Variants in AFG3L2 observed in about 807,000 individuals in gnomAD.
The protein encoded by AFG3L2 is mitochondrial inner membrane m-AAA protease component AFG3L2.
A neutral mutation model predicts 94.5 loss-of-function variants in AFG3L2; 54 were observed. That is an observed-to-expected ratio of 0.57 (90% confidence interval 0.46 to 0.72). The LOEUF (loss-of-function observed/expected upper bound fraction) is 0.72. Among genes scored for constraint, AFG3L2 ranks in the 30% least tolerant of loss-of-function variants. The probability of loss-of-function intolerance (pLI) is 0.00; values close to 1 mark genes in which losing one functional copy is unlikely to be tolerated. For synonymous variants in AFG3L2, 377 were observed against 365.5 expected, an observed-to-expected ratio of 1.03 and a Z score of -0.36; for missense variants, 754 against 994.9, an observed-to-expected ratio of 0.76 and a Z score of 3.26.
intron 9 of AFG3L2, among the ~76,000 whole-genome samples, chr18:12,353,745 G>A (rs1338631347): frequency 6.6e-6 from 1 of 152,062 alleles, no homozygotes; most frequent in African/African-American, 2.4e-5. Context: ...TGCTATTTTT[G>A]TAACATCAAC....
At chr18:12,331,087 T>TA (rs1481774586) in intron 16 of AFG3L2, among the ~76,000 whole-genome samples, 1 of 152,232 alleles carries the variant, frequency 6.6e-6, no homozygotes, top group African/African-American at 2.4e-5. Flanking sequence ...GGTGGTCCCG[T>TA]AAGATTATAA....
At chr18:12,333,364 A>T (rs76754735) in intron 16 of AFG3L2, among the ~76,000 whole-genome samples, 14,749 of 130,108 alleles carry the variant, frequency 0.11, 961 homozygotes, top group East Asian at 0.22. Flanking sequence ...ATATATATAT[A>T]TTTTTTCCCC....
At position 12,340,050 on chromosome 18, in the gene AFG3L2, A is replaced by C. The variant is rs1907897195; in HGVS notation, c.1980+151T>G. On this transcript the variant is annotated intron_variant, in intron 15 of 16. Transcript: ENST00000269143. ...AATAAAGTTTCTCTTCATAAGTTTTAATTGCTTTACTTCTTTTAAGAGATA... is the reference window on the plus strand; with the variant it reads ...AATAAAGTTTCTCTTCATAAGTTTTCATTGCTTTACTTCTTTTAAGAGATA... The C allele has an allele frequency of 5.2e-6, 4 of 767,740 alleles. No individual in the cohort carries two copies. The South Asian group carries it at 6.0e-5, about 11-fold the overall frequency. The allele number at this position is 767,740 out of a possible 1,614,324, so 47.6% of individuals were successfully genotyped here. A position where few individuals can be genotyped will look rare whatever the true frequency, so the allele number is the denominator to read the frequency against.
Position 12,354,472 on chromosome 18 carries a change from G to A in AFG3L2, c.1165-1314C>T, listed in dbSNP as rs532213530. Among the ~76,000 whole-genome samples the A allele has an allele frequency of 5.9e-5, 9 of 152,270 alleles. No individual in the cohort carries two copies. In the South Asian group the frequency reaches 1.9e-3, roughly 32 times the overall value. On this transcript the variant is annotated intron_variant, in intron 9 of 16. Coordinates refer to ENST00000269143, the MANE Select transcript of AFG3L2 (RefSeq NM_006796.3). Reference sequence around the variant, plus strand: ...TGCTTGCTGAGGCTCAGGCCTTGTGGCAGGCACTCCACCCCACTGTGCCAT... The same window carrying A: ...TGCTTGCTGAGGCTCAGGCCTTGTGACAGGCACTCCACCCCACTGTGCCAT...
chr18:12,354,954 C>T (rs1311490716), intron 9 of AFG3L2, among the ~76,000 whole-genome samples: 1 of 152,168 alleles, frequency 6.6e-6, no homozygotes, highest in Non-Finnish European at 1.5e-5. Flanking sequence ...GTGGCTCACG[C>T]CTGTAATCCC....
At chr18:12,375,877 T>C (rs1909139912) in intron 1 of AFG3L2, among the ~76,000 whole-genome samples, 1 of 150,428 alleles carries the variant, frequency 6.6e-6, no homozygotes. Flanking sequence ...TAGTCCCAGA[T>C]ACTCCGGAGG....
Position 12,376,845 on chromosome 18 carries a change from C to A in AFG3L2, c.114+124G>T. On this transcript the variant is annotated intron_variant, in intron 1 of 16. Transcript: ENST00000269143. Reference sequence around the variant, plus strand: ...GAGAGACAGCGCAGGGCGCCCAGGCCCTCGGCAGGGACGGCCCGCGTGCGG... The same window carrying A: ...GAGAGACAGCGCAGGGCGCCCAGGCACTCGGCAGGGACGGCCCGCGTGCGG... 3 of 698,258 alleles carry A rather than the reference C, an allele frequency of 4.3e-6. 1 individual carries two copies. The South Asian group carries it at 1.1e-4, about 25-fold the overall frequency. 43.3% of individuals were successfully genotyped at this position (698,258 alleles called of 1,614,324 possible). A position where few individuals can be genotyped will look rare whatever the true frequency, so the allele number is the denominator to read the frequency against.
rs11303145 is a variant in AFG3L2, at chr18:12,355,208, TAA to T, written c.1164+1484_1164+1485del. Among the ~76,000 whole-genome samples, 228 of 139,062 alleles carry T rather than the reference TAA, an allele frequency of 1.6e-3. 1 individual carries two copies. Among genetic ancestry groups the T allele is most frequent in the Non-Finnish European group, 1.7e-3 (111 of 64,398 alleles). 91.2% of individuals were successfully genotyped at this position (139,062 alleles called of 152,430 possible). A position where few individuals can be genotyped will look rare whatever the true frequency, so the allele number is the denominator to read the frequency against. The stretch of plus-strand genomic sequence containing the variant: ...AGCAAGACTCCATCTCAAAAAAAAT[TAA>T]AAAAAAAAAAAAAGAACTCTTACAA... On this transcript the variant is annotated intron_variant, in intron 9 of 16. Transcript: ENST00000269143.
intron 13 of AFG3L2, among the ~76,000 whole-genome samples, chr18:12,344,605 C>G (rs1382712215): frequency 6.6e-6 from 1 of 151,194 alleles, no homozygotes; most frequent in South Asian, 2.1e-4. Context: ...ACCCAGGAGG[C>G]GGAGGTTGCA....
intron 14 of AFG3L2, chr18:12,341,782 TG>T (rs905998907): frequency 2.1e-4 from 32 of 152,240 alleles, no homozygotes; most frequent in African/African-American, 7.7e-4. Flanking sequence ...TTTGGTCACA[TG>T]GAAGTGTTCG....
chr18:12,330,294 C>A (rs1854508282), intron 16 of AFG3L2, among the ~76,000 whole-genome samples: 1 of 150,932 alleles, frequency 6.6e-6, no homozygotes, highest in African/African-American at 2.4e-5. Context: ...CCACTGCACT[C>A]CAGCCTGGGC....
intron 1 of AFG3L2, among the ~76,000 whole-genome samples, chr18:12,372,510 T>C (rs892106350): frequency 1.3e-5 from 2 of 152,164 alleles, no homozygotes; most frequent in Non-Finnish European, 2.9e-5. Flanking sequence ...CATGACTCTA[T>C]GGGTCACCAT....
Position 12,367,230 on chromosome 18 carries a change from G to A in AFG3L2, c.399+46C>T, listed in dbSNP as rs564492519. On this transcript the variant is annotated intron_variant, in intron 4 of 16. Transcript: ENST00000269143. ...CACTAATGCCTCCCAACCTTCTCTG[G>A]GCCACCATCATAACCTCAAAATTCA... 4 of 1,612,868 alleles carry A rather than the reference G, an allele frequency of 2.5e-6. No individual in the cohort carries two copies. In the South Asian group the frequency reaches 4.4e-5, roughly 18 times the overall value.
At position 12,344,263 on chromosome 18, in the gene AFG3L2, CA is replaced by C. The variant is rs750805669; in HGVS notation, c.1664-17del. The C allele has an allele frequency of 4.1e-5, 65 of 1,596,192 alleles. No homozygotes were observed. The highest frequency in any genetic ancestry group is 5.6e-5 in the Non-Finnish European group (65 of 1,163,958). On this transcript the variant is annotated splice_polypyrimidine_tract_variant and intron_variant, in intron 13 of 16. Transcript: ENST00000269143. ...TTCTCTAAGCCTAACAAAATAACAA[CA>C]AAAAAACCCAAGCCATTGTTACAGT...
In AFG3L2 at chr18:12,358,656, A is replaced by T. The variant is rs374774102; in HGVS notation, c.1026+14T>A. 4.3e-5 allele frequency: 69 copies of T among 1,612,598 alleles called. No homozygotes were observed. The highest frequency in any genetic ancestry group is 1.3e-4 in the Admixed American group (8 of 59,856). On this transcript the variant is annotated intron_variant, in intron 8 of 16. Transcript: ENST00000269143. ...AGAAACATTTCAAAAAGTTAATCTT[A>T]AATTTCATTTTACCTTTGGGATTTT... is the stretch of plus-strand genomic sequence containing the variant.
chr18:12,331,262 A>C (rs1442273183), intron 16 of AFG3L2, among the ~76,000 whole-genome samples: 1 of 152,160 alleles, frequency 6.6e-6, no homozygotes, highest in Non-Finnish European at 1.5e-5. Context: ...GCGCACTCTG[A>C]TGCCTGCACG....
rs768178649 is a variant in AFG3L2, at chr18:12,370,863, A to G, written c.278T>C (p.Met93Thr). 6 of 1,585,272 alleles carry G rather than the reference A, an allele frequency of 3.8e-6. No homozygotes were observed. The South Asian group carries it at 5.6e-5, about 15-fold the overall frequency. ...GKKASEPKEV[M>T]GEKKESKPAA... ...TCAAAAGGTACCTTTTTTCTCTCCCATAACTTCTTTAGGTTCACTAGCTTT... is the reference window on the plus strand; with the variant it reads ...TCAAAAGGTACCTTTTTTCTCTCCCGTAACTTCTTTAGGTTCACTAGCTTT... Residue 93 changes from methionine to threonine, a missense_variant, in exon 3 of 17, where the codon ATG becomes ACG. Physicochemically the swap from Met to Thr is moderately conservative, Grantham distance 81. Around this residue, in one of 4 missense-constraint regions of AFG3L2, gnomAD observed 236 missense variants for 214.0 expected, o/e 1.10. Coordinates refer to ENST00000269143, the MANE Select transcript of AFG3L2 (RefSeq NM_006796.3).
intron 14 of AFG3L2, 83 bp from the exon 15 acceptor site, chr18:12,340,484 T>C (rs960112631): frequency 3.1e-5 from 36 of 1,143,384 alleles, no homozygotes; most frequent in African/African-American, 7.6e-5. Context: ...GATAAACTCA[T>C]TGACTAAAAA....
chr18:12,342,040 T>A (rs1568135727), intron 14 of AFG3L2: 1 of 152,172 alleles, frequency 6.6e-6, no homozygotes, highest in Non-Finnish European at 1.5e-5. Flanking sequence ...CTAATTTTTC[T>A]ATTTTTAGTA....
Sources: gnomAD v4.1 joint callset for allele counts (sites outside exome capture counted in the v4.1 genomes callset) on GRCh38, gnomAD v4.1.1 for gene constraint, gnomAD v4.1.1 regional missense constraint, MANE v1.5 for transcripts, NCBI Gene and HGNC (gene_info 2026-07-23, HGNC 2026-07-21) for gene names.